Variants in RBM38 observed in about 807,000 individuals in gnomAD.
The protein encoded by RBM38 is RNA-binding protein 38.
RBM38 carries 11 observed loss-of-function variants against 23.5 expected under a neutral mutation model. The observed-to-expected ratio is 0.47, with a 90% confidence interval of 0.29 to 0.77. The LOEUF is 0.77. RBM38 is among the 30% of genes least tolerant of loss of function. The probability of loss-of-function intolerance (pLI) is 0.08; values close to 1 mark genes in which losing one functional copy is unlikely to be tolerated. For missense variants in RBM38, 330 were observed against 351.9 expected (o/e 0.94, Z 0.50); for synonymous variants, 165 against 166.1 (o/e 0.99, Z 0.05).
intron 3 of RBM38, among the ~76,000 whole-genome samples, chr20:57,405,986 C>T (rs2067379439): frequency 6.6e-6 from 1 of 152,218 alleles, no homozygotes; most frequent in Admixed American, 6.5e-5. Context: ...GAGCTGCTTC[C>T]CTTGAGGGGG....
At position 57,407,577 on chromosome 20, in the gene RBM38, G is replaced by A; in HGVS notation, c.451G>A (p.Val151Met). 8.7e-6 allele frequency: 14 copies of A among 1,613,734 alleles called. No homozygotes were observed. Among genetic ancestry groups the A allele is most frequent in the African/African-American group, 1.3e-5 (1 of 75,042 alleles). ...GCACTACATCTACCCACCAGCCATC[G>A]TGCAGCCCAGCGTGGTGATCCCAGC... ...TPHYIYPPAI[V>M]QPSVVIPAAP... Residue 151 changes from valine to methionine, a missense_variant, in exon 4 of 4, where the codon GTG becomes ATG. Val to Met is a conservative substitution (Grantham distance 21). This residue lies in a region of RBM38 where 227 missense variants were observed against 216.4 expected (regional missense o/e 1.05). Coordinates refer to ENST00000356208, the MANE Select transcript of RBM38 (RefSeq NM_017495.6). This position sits in a 1 kb window ranked among gnomAD's most constrained non-coding sequence, Gnocchi z 4.0.
Position 57,401,879 on chromosome 20 carries a change from G to A in RBM38, c.417-5664G>A, listed in dbSNP as rs76509591. On this transcript the variant is annotated intron_variant, in intron 3 of 3. Coordinates refer to ENST00000356208, the MANE Select transcript of RBM38 (RefSeq NM_017495.6). ...CAGGAAGCCACAAGGGAGCAGTTTG[G>A]GTTTTCTTCTGGGTACAGTGGGAGG... Among the ~76,000 whole-genome samples the A allele has an allele frequency of 6.8e-3, 1,036 of 152,300 alleles. 13 individuals carry two copies. The highest frequency in any genetic ancestry group is 0.019 in the African/African-American group (771 of 41,554).
chr20:57,392,941 G>T, intron 2 of RBM38, 164 bp downstream of exon 2: 1 of 962,980 alleles, frequency 1.0e-6, no homozygotes, highest in East Asian at 2.6e-5. Flanking sequence ...CGAGGATCTA[G>T]ACCCCTTCTC....
chr20:57,407,049 G>T lies in RBM38; in HGVS notation c.417-494G>T, dbSNP rs1243261209. ...GAGCAGGTGTTGGCTGGGAGAGCAG[G>T]CGTGTACATGAGCCAAGTGTGCAGT... is the stretch of plus-strand genomic sequence containing the variant. On this transcript the variant is annotated intron_variant, in intron 3 of 3. Transcript: ENST00000356208. The surrounding 1 kb of genome is among the most constrained non-coding windows in gnomAD (Gnocchi z 4.0). 1.3e-5 allele frequency among the ~76,000 whole-genome samples: 2 copies of T among 151,876 alleles called. No homozygotes were observed. Among genetic ancestry groups the T allele is most frequent in the Non-Finnish European group, 2.9e-5 (2 of 67,956 alleles).
intron 3 of RBM38, among the ~76,000 whole-genome samples, chr20:57,399,732 T>A (rs2067308854): frequency 6.6e-6 from 1 of 152,032 alleles, no homozygotes; most frequent in Admixed American, 6.6e-5. Flanking sequence ...CCCTCACAAG[T>A]CACTGGGGAT....
intron 3 of RBM38, among the ~76,000 whole-genome samples, chr20:57,396,693 A>G (rs2067278119): frequency 6.6e-6 from 1 of 152,226 alleles, no homozygotes; most frequent in African/African-American, 2.4e-5. Context: ...CCTAGAAGCC[A>G]GTAGCATTGC....
intron 3 of RBM38, among the ~76,000 whole-genome samples, chr20:57,398,950 C>T (rs1273180260): frequency 2.0e-5 from 3 of 152,242 alleles, no homozygotes; most frequent in Non-Finnish European, 4.4e-5. Context: ...GAGTAGGGAG[C>T]TGGACACTGG....
intron 3 of RBM38, among the ~76,000 whole-genome samples, chr20:57,393,717 G>A (rs533473969): frequency 6.6e-6 from 1 of 152,206 alleles, no homozygotes. Flanking sequence ...GGACTGGCAG[G>A]CTGAGTTCTT....
chr20:57,392,082 A>T (rs1007503123), intron 1 of RBM38: 1 of 150,162 alleles, frequency 6.7e-6, no homozygotes, highest in African/African-American at 2.7e-5. Context: ...TTCAATTAGG[A>T]CTCCTAAGTT....
At chr20:57,401,739 G>T (rs1283138035) in intron 3 of RBM38, among the ~76,000 whole-genome samples, 1 of 152,250 alleles carries the variant, frequency 6.6e-6, no homozygotes, top group Non-Finnish European at 1.5e-5. Flanking sequence ...AGGTCCTGTG[G>T]TGGGAAGGAG....
At chr20:57,401,601 C>T (rs2067328854) in intron 3 of RBM38, among the ~76,000 whole-genome samples, 1 of 152,234 alleles carries the variant, frequency 6.6e-6, no homozygotes, top group African/African-American at 2.4e-5. Flanking sequence ...AGACCCTGCT[C>T]TTGTGGGGAA....
intron 3 of RBM38, among the ~76,000 whole-genome samples, chr20:57,401,734 C>G (rs1447917672): frequency 6.6e-6 from 1 of 152,158 alleles, no homozygotes; most frequent in Non-Finnish European, 1.5e-5. Context: ...TGCGAAGGTC[C>G]TGTGGTGGGA....
chr20:57,397,279 G>A (rs143674867), intron 3 of RBM38, among the ~76,000 whole-genome samples: 177 of 152,320 alleles, frequency 1.2e-3, no homozygotes, highest in East Asian at 9.3e-3. Flanking sequence ...GTGCAAAACC[G>A]AGGCTTAGAG....
chr20:57,394,000 A>T (rs1019626173), intron 3 of RBM38, among the ~76,000 whole-genome samples: 2 of 151,888 alleles, frequency 1.3e-5, no homozygotes. Flanking sequence ...GGACACACAC[A>T]CTTAAGGGAT....
At chr20:57,406,319 G>T (rs2067382900) in intron 3 of RBM38, among the ~76,000 whole-genome samples, 1 of 152,086 alleles carries the variant, frequency 6.6e-6, no homozygotes, top group African/African-American at 2.4e-5. Context: ...GCATGCTGTT[G>T]TATGGCCAGC....
intron 3 of RBM38, chr20:57,400,059 G>T (rs1428717860): frequency 4.4e-6 from 2 of 449,848 alleles, no homozygotes; most frequent in South Asian, 3.1e-5. Flanking sequence ...CCACCACGGG[G>T]TTCTCAGACT....
rs537055559 is a variant in RBM38 at position 57,395,846 on chromosome 20, GGCCTGACT to G, written c.416+2514_416+2521del. The stretch of plus-strand genomic sequence containing the variant: ...CAATCAGGCCCCGGGAGCACAGCCG[GGCCTGACT>G]CAGCGGCCAGTTTTGTCGGCCTTGG... On this transcript the variant is annotated intron_variant, in intron 3 of 3. Coordinates refer to ENST00000356208, the MANE Select transcript of RBM38 (RefSeq NM_017495.6). 3.0e-3 allele frequency among the ~76,000 whole-genome samples: 464 copies of G among 152,274 alleles called. 1 individual carries two copies. The highest frequency in any genetic ancestry group is 5.1e-3 in the Non-Finnish European group (346 of 68,010).
At chr20:57,404,038 C>T (rs537715314) in intron 3 of RBM38, among the ~76,000 whole-genome samples, 12 of 152,360 alleles carry the variant, frequency 7.9e-5, no homozygotes, top group East Asian at 3.9e-4. Flanking sequence ...CCGCCTTCCT[C>T]CCCAGCCTAA....
chr20:57,397,906 G>A (rs78486451), intron 3 of RBM38, among the ~76,000 whole-genome samples: 2,419 of 152,322 alleles, frequency 0.016, 18 homozygotes, highest in Non-Finnish European at 0.024. Flanking sequence ...GCCTGCGTGG[G>A]GACGGAACAG....
Sources: gnomAD v4.1 joint callset for allele counts (sites outside exome capture counted in the v4.1 genomes callset) on GRCh38, gnomAD v4.1.1 for gene constraint, gnomAD v4.1.1 regional missense constraint, Gnocchi (gnomAD v3.1) non-coding constraint, MANE v1.5 for transcripts, NCBI Gene and HGNC (gene_info 2026-07-23, HGNC 2026-07-21) for gene names.